The following SHISA6 variants were observed in gnomAD, a reference collection of about 807,000 sequenced individuals.
SHISA6 encodes protein shisa-6.
A neutral mutation model predicts 47.9 loss-of-function variants in SHISA6; 22 were observed. The observed-to-expected ratio is 0.46, with a 90% CI of 0.33 to 0.66. The LOEUF is 0.66. Ranked by LOEUF, SHISA6 falls within the 30% of genes least tolerant of loss-of-function variation. SHISA6 has a pLI of 0.02. For synonymous variants in SHISA6, 388 were observed against 337.8 expected (o/e 1.15, Z -1.63); for missense variants, 680 against 764.6 (o/e 0.89, Z 1.30).
chr17:11,421,413 T>C (rs536061088), intron 3 of SHISA6, among the ~76,000 whole-genome samples: 3 of 152,348 alleles, frequency 2.0e-5, no homozygotes, highest in Admixed American at 2.0e-4. Flanking sequence ...TGTTAAAGTT[T>C]ATTATATAAA....
intron 1 of SHISA6, among the ~76,000 whole-genome samples, chr17:11,249,808 C>T (rs1907734734): frequency 6.6e-6 from 1 of 152,172 alleles, no homozygotes; most frequent in African/African-American, 2.4e-5. Context: ...GATAGGTGAT[C>T]AGAAATCAAG....
intron 3 of SHISA6, among the ~76,000 whole-genome samples, chr17:11,427,800 A>T (rs1389579778): frequency 6.6e-6 from 1 of 152,068 alleles, no homozygotes; most frequent in African/African-American, 2.4e-5. Flanking sequence ...GAAAAAAAAA[A>T]ATTTCACATG....
chr17:11,287,112 T>A (rs1909329086), intron 2 of SHISA6, among the ~76,000 whole-genome samples: 1 of 151,948 alleles, frequency 6.6e-6, no homozygotes, highest in Non-Finnish European at 1.5e-5. Context: ...AAAGAAAAAA[T>A]AGCCGGGCAT....
At chr17:11,545,150 G>GT (rs199661230) in intron 3 of SHISA6, among the ~76,000 whole-genome samples, 1,778 of 120,536 alleles carry the variant, frequency 0.015, 34 homozygotes, top group African/African-American at 0.057. Context: ...CAGGTCGATG[G>GT]TTTAAAAAAA....
chr17:11,351,399 A>G (rs1280372916), intron 2 of SHISA6, among the ~76,000 whole-genome samples: 1 of 152,194 alleles, frequency 6.6e-6, no homozygotes, highest in Non-Finnish European at 1.5e-5. Flanking sequence ...TCTGAAAACA[A>G]TTATCTACAT....
At chr17:11,525,555 C>T (rs2071668659) in intron 3 of SHISA6, among the ~76,000 whole-genome samples, 1 of 139,230 alleles carries the variant, frequency 7.2e-6, no homozygotes, top group Non-Finnish European at 1.5e-5. Context: ...ATCGCTTGAA[C>T]CCGGGAGGTG....
At chr17:11,283,926 C>G (rs1202161547) in intron 2 of SHISA6, among the ~76,000 whole-genome samples, 1 of 152,166 alleles carries the variant, frequency 6.6e-6, no homozygotes, top group Admixed American at 6.5e-5. Flanking sequence ...GCGCTTCAGA[C>G]TTGATAGTTT....
chr17:11,510,812 A>G (rs1293626235), intron 3 of SHISA6, among the ~76,000 whole-genome samples: 1 of 152,214 alleles, frequency 6.6e-6, no homozygotes, highest in Non-Finnish European at 1.5e-5. Context: ...TGCCTGGTCC[A>G]TAAAAATGTC....
At chr17:11,331,977 C>T (rs1911134036) in intron 2 of SHISA6, among the ~76,000 whole-genome samples, 1 of 151,970 alleles carries the variant, frequency 6.6e-6, no homozygotes, top group Admixed American at 6.6e-5. Flanking sequence ...AGCGGAATCA[C>T]TTCCTCTCTT....
chr17:11,300,017 T>A (rs192004600), intron 2 of SHISA6, among the ~76,000 whole-genome samples: 56 of 152,020 alleles, frequency 3.7e-4, no homozygotes, highest in African/African-American at 1.3e-3. Context: ...TGGTGGCATG[T>A]GCCTGTAGTC....
chr17:11,308,942 G>A (rs1240740905), intron 2 of SHISA6, among the ~76,000 whole-genome samples: 1 of 152,198 alleles, frequency 6.6e-6, no homozygotes, highest in Non-Finnish European at 1.5e-5. Flanking sequence ...GGCACTGCCA[G>A]TGGAGCACGA....
chr17:11,322,585 A>T (rs1271546758), intron 2 of SHISA6, among the ~76,000 whole-genome samples: 2 of 152,206 alleles, frequency 1.3e-5, no homozygotes, highest in Non-Finnish European at 2.9e-5. Context: ...AGGACTTGAG[A>T]TACTGGCATA....
At chr17:11,486,829 G>A (rs1318866999) in intron 3 of SHISA6, among the ~76,000 whole-genome samples, 1 of 152,228 alleles carries the variant, frequency 6.6e-6, no homozygotes, top group Non-Finnish European at 1.5e-5. Context: ...CACTACAGAA[G>A]GAGCGCGAAA....
chr17:11,464,382 C>G (rs1915760430), intron 3 of SHISA6, among the ~76,000 whole-genome samples: 1 of 152,166 alleles, frequency 6.6e-6, no homozygotes, highest in South Asian at 2.1e-4. Context: ...CACATAGATT[C>G]TGGGGGCTGG....
At chr17:11,265,996 C>T (rs983808454) in intron 2 of SHISA6, among the ~76,000 whole-genome samples, 3 of 152,180 alleles carry the variant, frequency 2.0e-5, no homozygotes, top group Non-Finnish European at 4.4e-5. Context: ...GAATAGTATC[C>T]TGGCCCAGAA....
At chr17:11,390,824 T>A (rs756622896) in intron 3 of SHISA6, among the ~76,000 whole-genome samples, 2 of 152,104 alleles carry the variant, frequency 1.3e-5, no homozygotes, top group Non-Finnish European at 2.9e-5. Flanking sequence ...AACAGAGACA[T>A]GTTACATTTG....
chr17:11,250,784 C>T (rs1451166890), intron 1 of SHISA6, among the ~76,000 whole-genome samples: 3 of 152,002 alleles, frequency 2.0e-5, no homozygotes, highest in Non-Finnish European at 4.4e-5. Flanking sequence ...AGTGGGAGCT[C>T]TGTGTCCCAG....
intron 3 of SHISA6, among the ~76,000 whole-genome samples, chr17:11,537,491 A>G (rs1262928299): frequency 6.6e-6 from 1 of 152,098 alleles, no homozygotes; most frequent in Middle Eastern, 3.2e-3. Flanking sequence ...CCGAAGTGCC[A>G]AGTGTGGGTT....
chr17:11,557,787 G>C lies in SHISA6; in HGVS notation c.1139G>C (p.Arg380Pro), dbSNP rs1406616364. 1 of 1,550,472 alleles carries C rather than the reference G, an allele frequency of 6.4e-7. No homozygotes were observed. The highest frequency in any genetic ancestry group is 2.4e-5 in the East Asian group (1 of 40,914). The change falls in exon 6 of 6, where the codon CGG (arginine) becomes CCG (proline). Residue 380 changes from arginine to proline, a missense_variant. Transcript: ENST00000441885. ...DKEADEYYMR[R>P]RHLPDLAARG... ...GAGGCTGACGAGTATTACATGAGAC[G>C]GCGGCACCTGCCCGACCTGGCTGCC...
Sources: allele counts gnomAD v4.1 joint callset (sites outside exome capture counted in the v4.1 genomes callset), GRCh38; gene constraint gnomAD v4.1.1; transcripts MANE v1.5; gene names NCBI Gene and HGNC (gene_info 2026-07-23, HGNC 2026-07-21).